GBF1: variants seen among roughly 807,000 people sequenced by gnomAD.
GBF1 encodes the protein golgi brefeldin A resistant guanine nucleotide exchange factor 1.
GBF1 carries 114 observed loss-of-function variants against 210.5 expected under a neutral mutation model. The ratio of observed to expected loss-of-function variants is 0.54; its 90% CI spans 0.47 to 0.63. The LOEUF (loss-of-function observed/expected upper bound fraction) is 0.63, where lower values mean the gene tolerates loss of function less well. Among genes scored for constraint, GBF1 ranks in the 30% least tolerant of loss-of-function variants. GBF1 has a pLI of 0.00. For synonymous variants in GBF1, 850 were observed against 889.2 expected (o/e 0.96, Z 0.78); for missense variants, 1,851 against 2,357.7 (o/e 0.79, Z 4.45).
intron 3 of GBF1, among the ~76,000 whole-genome samples, chr10:102,327,970 G>A (rs2057030392): frequency 1.3e-5 from 2 of 152,140 alleles, no homozygotes; most frequent in Admixed American, 1.3e-4. Context: ...AGCACCTTTC[G>A]AGCAAATAAG....
chr10:102,352,054 C>G, intron 6 of GBF1, 103 bp downstream of exon 6: 1 of 740,024 alleles, frequency 1.4e-6, no homozygotes, highest in South Asian at 1.4e-5. Context: ...CAGGACTTCT[C>G]CATCATCTAT....
chr10:102,367,300 A>G (rs1280407628), intron 20 of GBF1, 90 bp downstream of exon 20: 2 of 1,399,520 alleles, frequency 1.4e-6, no homozygotes, highest in African/African-American at 1.4e-5. Flanking sequence ...GGCATGATGG[A>G]TGGGGTTCTG....
chr10:102,363,689 CCCT>C lies in GBF1; in HGVS notation c.2018-19_2018-17del. The stretch of plus-strand genomic sequence containing the variant: ...AAAAAAGGTGTTACAGATATTTCCC[CCCT>C]CTTCTTCCTACTCCTAGCTGACAAA... On this transcript the variant is annotated intron_variant, in intron 16 of 39. Coordinates refer to ENST00000369983, the MANE Select transcript of GBF1 (RefSeq NM_001377137.1). The surrounding 1 kb of genome is among the most constrained non-coding windows in gnomAD (Gnocchi z 4.2). 1 of 1,516,394 alleles carries C rather than the reference CCCT, an allele frequency of 6.6e-7. No homozygotes were observed. Among genetic ancestry groups the C allele is most frequent in the South Asian group, 1.1e-5 (1 of 89,092 alleles). The allele number at this position is 1,516,394 out of a possible 1,614,324, so 93.9% of individuals were successfully genotyped here. A position where few individuals can be genotyped will look rare whatever the true frequency, so the allele number is the denominator to read the frequency against.
intron 39 of GBF1, 84 bp downstream of exon 39, chr10:102,381,339 G>A: frequency 2.1e-6 from 3 of 1,411,130 alleles, no homozygotes; most frequent in East Asian, 2.3e-5. Flanking sequence ...TGGGAATGCT[G>A]CTGAGCAGGG....
At chr10:102,244,433 C>G (rs946512817), upstream of GBF1, among the ~76,000 whole-genome samples, 2 of 152,210 alleles carry the variant, frequency 1.3e-5, no homozygotes, top group Non-Finnish European at 2.9e-5. Flanking sequence ...TTGTCCTCTT[C>G]TCACGCATTC....
Position 102,366,975 on chromosome 10 carries a change from C to G in GBF1, c.2434-110C>G. ...TAAGGAGTTGGCAAGAGACTGGCCA[C>G]TTTCTGGATGGTACCTCTCCTCTGT... On this transcript the variant is annotated intron_variant, in intron 19 of 39. Coordinates refer to ENST00000369983, the MANE Select transcript of GBF1 (RefSeq NM_001377137.1). The surrounding 1 kb of genome is among the most constrained non-coding windows in gnomAD (Gnocchi z 4.0). 8.0e-7 allele frequency: 1 copy of G among 1,243,236 alleles called. No homozygotes were observed. Among genetic ancestry groups the G allele is most frequent in the Non-Finnish European group, 1.1e-6 (1 of 880,166 alleles). The allele number at this position is 1,243,236 out of a possible 1,614,324, so 77.0% of individuals were successfully genotyped here. A position where few individuals can be genotyped will look rare whatever the true frequency, so the allele number is the denominator to read the frequency against.
chr10:102,363,011 C>T lies in GBF1; in HGVS notation c.1877-245C>T, dbSNP rs895630664. Among the ~76,000 whole-genome samples, 3 of 152,222 alleles carry T rather than the reference C, an allele frequency of 2.0e-5. No homozygotes were observed. In the East Asian group the frequency reaches 5.8e-4, roughly 29 times the overall value. On this transcript the variant is annotated intron_variant, in intron 15 of 39. Transcript: ENST00000369983. This position sits in a 1 kb window ranked among gnomAD's most constrained non-coding sequence, Gnocchi z 4.2. ...CCACTCTAATTAGTCCTCTCTAGCT[C>T]CCCCTTGAAATTTGAGGTTGCAGAA...
chr10:102,270,493 T>C (rs2074301290), intron 3 of GBF1, among the ~76,000 whole-genome samples: 2 of 152,264 alleles, frequency 1.3e-5, no homozygotes, highest in South Asian at 4.1e-4. Flanking sequence ...TTAGCAAAAA[T>C]TGAAAGAATA....
At chr10:102,281,804 T>C (rs2075510469) in intron 3 of GBF1, among the ~76,000 whole-genome samples, 1 of 151,990 alleles carries the variant, frequency 6.6e-6, no homozygotes, top group Non-Finnish European at 1.5e-5. Context: ...TTTTACTTAA[T>C]GGCCTTTTTC....
upstream of GBF1, among the ~76,000 whole-genome samples, chr10:102,241,983 C>T (rs2070549843): frequency 6.6e-6 from 1 of 152,188 alleles, no homozygotes; most frequent in African/African-American, 2.4e-5. The surrounding 1 kb of genome is among the most constrained non-coding windows in gnomAD (Gnocchi z 6.7). Context: ...TGTCGCTGTC[C>T]GTCTCTCCTC....
chr10:102,352,393 G>T, intron 6 of GBF1, 65 bp from the exon 7 acceptor site: 2 of 1,116,992 alleles, frequency 1.8e-6, no homozygotes, highest in South Asian at 2.5e-5. Context: ...AGTCTGCTCT[G>T]AGAACCCTCT....
chr10:102,266,546 C>T (rs1345177524), intron 3 of GBF1, among the ~76,000 whole-genome samples: 1 of 152,166 alleles, frequency 6.6e-6, no homozygotes, highest in East Asian at 1.9e-4. Flanking sequence ...ATTTTGTAGC[C>T]TCTACTTTAT....
chr10:102,378,143 G>T (rs1033909701), intron 33 of GBF1, among the ~76,000 whole-genome samples: 1 of 151,388 alleles, frequency 6.6e-6, no homozygotes, highest in Non-Finnish European at 1.5e-5. Context: ...GCGTGAACCC[G>T]GGAGGCAGAG....
chr10:102,330,005 G>C (rs1302357427), intron 3 of GBF1, among the ~76,000 whole-genome samples: 1 of 152,086 alleles, frequency 6.6e-6, no homozygotes, highest in Non-Finnish European at 1.5e-5. Context: ...AGCCACTCAG[G>C]AGTTGGTAGT....
chr10:102,260,174 A>G, intron 3 of GBF1, 58 bp downstream of exon 3: 1 of 951,476 alleles, frequency 1.1e-6, no homozygotes, highest in Non-Finnish European at 1.7e-6. Flanking sequence ...TGTTTGATTT[A>G]TTGAAAGGAT....
At position 102,377,036 on chromosome 10, in the gene GBF1, C is replaced by A. The variant is rs765081649; in HGVS notation, c.4390C>A (p.Arg1464=). The A allele has an allele frequency of 1.3e-5, 21 of 1,614,098 alleles. No individual in the cohort carries two copies. The South Asian group carries it at 2.3e-4, about 18-fold the overall frequency. ...AGAGGGATCAATGCTTCGCCGGCCT[C>A]GAACCTCCAGCCAACATGCCTCTCG... ...SKEGSMLRRP[R]TSSQHASRGG... The change falls in exon 33 of 40, where the codon CGA becomes AGA. Residue 1464 remains arginine (R), a synonymous_variant. Coordinates refer to ENST00000369983, the MANE Select transcript of GBF1 (RefSeq NM_001377137.1).
chr10:102,230,920 T>C, the GBF1 span: 1 of 1,612,102 alleles, frequency 6.2e-7, no homozygotes, highest in South Asian at 1.1e-5. Context: ...TGGAAAGGTC[T>C]TGGCGGCGAG....
chr10:102,331,991 CTGGGA>C (rs1382076996), intron 3 of GBF1, among the ~76,000 whole-genome samples: 1 of 150,436 alleles, frequency 6.6e-6, no homozygotes, highest in East Asian at 2.0e-4. Flanking sequence ...TCCTGAATAG[CTGGGA>C]TTACAGGCGT....
chr10:102,376,631 A>G lies in GBF1; in HGVS notation c.4119A>G (p.Gln1373=), dbSNP rs757140075. Residue 1373 remains glutamine, a synonymous_variant, in exon 32 of 40, where the codon CAA becomes CAG. Transcript: ENST00000369983. ...SRPGPSPLIN[Q]YSLTVGLDLG... The stretch of plus-strand genomic sequence containing the variant: ...CAGGCCCTTCACCCCTGATCAATCA[A>G]TACAGCCTAACAGTGGGACTGGATT... The G allele has an allele frequency of 2.5e-6, 4 of 1,614,014 alleles. No individual in the cohort carries two copies. The highest frequency in any genetic ancestry group is 4.5e-5 in the East Asian group (2 of 44,876).
Sources: gnomAD v4.1 joint callset for allele counts (sites outside exome capture counted in the v4.1 genomes callset) on GRCh38, gnomAD v4.1.1 for gene constraint, Gnocchi (gnomAD v3.1) non-coding constraint, MANE v1.5 for transcripts, NCBI Gene and HGNC (gene_info 2026-07-23, HGNC 2026-07-21) for gene names.